The following TRDN variants were observed in gnomAD, a reference collection of about 807,000 sequenced individuals.
TRDN encodes triadin in skeletal muscle.
In TRDN, 161 loss-of-function variants were observed where a neutral mutation model predicts 149.7. That is an observed-to-expected ratio of 1.08 (90% confidence interval 0.95 to 1.23). TRDN has a LOEUF of 1.23. Among genes scored for constraint, TRDN ranks in the 50% most tolerant of loss-of-function variants. TRDN has a pLI of 0.00. For synonymous variants in TRDN, 294 were observed against 250.5 expected, an observed-to-expected ratio of 1.17 and a Z score of -1.64; for missense variants, 896 against 823.5, an observed-to-expected ratio of 1.09 and a Z score of -1.08.
At chr6:123,400,627 C>T (rs1406257091) in intron 12 of TRDN, among the ~76,000 whole-genome samples, 1 of 152,152 alleles carries the variant, frequency 6.6e-6, no homozygotes, top group Non-Finnish European at 1.5e-5. Flanking sequence ...TATCAGGCCA[C>T]AGACCAGTAC....
intron 1 of TRDN, among the ~76,000 whole-genome samples, chr6:123,588,381 G>C (rs1347462087): frequency 6.6e-6 from 1 of 152,118 alleles, no homozygotes; most frequent in African/African-American, 2.4e-5. Flanking sequence ...CTGGCAAGTT[G>C]CACCTGAATT....
intron 26 of TRDN, among the ~76,000 whole-genome samples, 176 bp from the exon 27 acceptor site, chr6:123,274,846 T>G (rs185400711): frequency 1.3e-3 from 202 of 152,144 alleles, no homozygotes; most frequent in African/African-American, 4.7e-3. Context: ...GCACTCCAGC[T>G]TAGGTGACAG....
At chr6:123,444,695 A>G (rs963592302) in intron 10 of TRDN, among the ~76,000 whole-genome samples, 5 of 152,124 alleles carry the variant, frequency 3.3e-5, no homozygotes, top group Non-Finnish European at 7.4e-5. Flanking sequence ...AATACGGCCC[A>G]TCAATACCTA....
intron 4 of TRDN, among the ~76,000 whole-genome samples, chr6:123,536,168 T>A (rs6931021): frequency 0.61 from 91,976 of 151,956 alleles, 29,622 homozygotes; most frequent in African/African-American, 0.81. Flanking sequence ...GTGAATGCCA[T>A]CTATTATTAT....
intron 20 of TRDN, among the ~76,000 whole-genome samples, chr6:123,359,898 T>C (rs1309732169): frequency 6.6e-6 from 1 of 152,114 alleles, no homozygotes; most frequent in African/African-American, 2.4e-5. Context: ...GATTTCACCG[T>C]GTTAGCCAGG....
intron 24 of TRDN, among the ~76,000 whole-genome samples, chr6:123,287,769 T>C (rs1463260606): frequency 6.6e-6 from 1 of 152,030 alleles, no homozygotes; most frequent in Non-Finnish European, 1.5e-5. Context: ...CAAATTTATA[T>C]AAGAAAAAAT....
intron 38 of TRDN, among the ~76,000 whole-genome samples, chr6:123,225,518 A>G (rs1775320799): frequency 7.2e-6 from 1 of 138,516 alleles, no homozygotes; most frequent in Admixed American, 7.2e-5. Context: ...ACACAGACAC[A>G]CACACACACA....
chr6:123,540,515 T>C (rs1382330336), intron 4 of TRDN, among the ~76,000 whole-genome samples: 2 of 152,042 alleles, frequency 1.3e-5, no homozygotes, highest in African/African-American at 4.8e-5. Context: ...ACAGAAAAAG[T>C]GTTTTTTTGT....
chr6:123,288,546 A>G (rs963653220), intron 24 of TRDN, among the ~76,000 whole-genome samples: 1 of 152,004 alleles, frequency 6.6e-6, no homozygotes, highest in African/African-American at 2.4e-5. Context: ...GAAAACAAAC[A>G]CCTTATTTTA....
intron 4 of TRDN, 130 bp downstream of exon 4, chr6:123,547,210 A>T: frequency 1.8e-6 from 1 of 553,472 alleles, no homozygotes; most frequent in Non-Finnish European, 3.1e-6. Context: ...TTTTTTTCTG[A>T]CTATAAATCT....
chr6:123,318,564 T>G (rs960604195), intron 23 of TRDN, among the ~76,000 whole-genome samples: 1 of 152,034 alleles, frequency 6.6e-6, no homozygotes, highest in Non-Finnish European at 1.5e-5. Context: ...ATGGCTAATT[T>G]GAATATTTGG....
At chr6:123,503,215 A>G (rs1488835417) in intron 8 of TRDN, 1 of 984,298 alleles carries the variant, frequency 1.0e-6, no homozygotes, top group African/African-American at 1.7e-5. Context: ...TATTAAATAA[A>G]TTTAATAATT....
chr6:123,297,173 A>G (rs189129562), intron 24 of TRDN, among the ~76,000 whole-genome samples: 2 of 152,046 alleles, frequency 1.3e-5, no homozygotes, highest in East Asian at 3.9e-4. Flanking sequence ...GTTTTTTTTG[A>G]GGCTGCACTA....
chr6:123,571,386 C>G, intron 1 of TRDN, among the ~76,000 whole-genome samples: 1 of 152,148 alleles, frequency 6.6e-6, no homozygotes, highest in East Asian at 1.9e-4. Context: ...GGAGAATCAA[C>G]ACAAGTGATA....
intron 12 of TRDN, among the ~76,000 whole-genome samples, chr6:123,414,197 T>G (rs942795932): frequency 6.6e-6 from 1 of 152,034 alleles, no homozygotes; most frequent in Non-Finnish European, 1.5e-5. Context: ...TTCCAATTAA[T>G]AATACTTTCC....
At chr6:123,616,363 T>C (rs1011786431) in intron 1 of TRDN, among the ~76,000 whole-genome samples, 3 of 151,410 alleles carry the variant, frequency 2.0e-5, no homozygotes, top group Non-Finnish European at 2.9e-5. Flanking sequence ...ATATACGTTA[T>C]ACTTTACATT....
At chr6:123,342,122 C>A (rs921328896) in intron 21 of TRDN, among the ~76,000 whole-genome samples, 1 of 151,778 alleles carries the variant, frequency 6.6e-6, no homozygotes, top group Admixed American at 6.6e-5. Context: ...TCCTTATGCG[C>A]CTTAATAATC....
intron 20 of TRDN, among the ~76,000 whole-genome samples, chr6:123,361,204 A>G (rs981151723): frequency 9.9e-5 from 15 of 152,100 alleles, no homozygotes; most frequent in Non-Finnish European, 1.5e-5. Flanking sequence ...ATGCAGCCAT[A>G]AAAAAACGAT....
chr6:123,539,136 A>C (rs1780696364), intron 4 of TRDN, among the ~76,000 whole-genome samples: 1 of 151,538 alleles, frequency 6.6e-6, no homozygotes, highest in African/African-American at 2.4e-5. Flanking sequence ...ATGACAAGGA[A>C]ATTTTTAGAG....
Sources: gnomAD v4.1 joint callset for allele counts (sites outside exome capture counted in the v4.1 genomes callset) on GRCh38, gnomAD v4.1.1 for gene constraint, MANE v1.5 for transcripts, NCBI Gene and HGNC (gene_info 2026-07-23, HGNC 2026-07-21) for gene names.